Variants in LOC128125817 observed in about 807,000 individuals in gnomAD.
chr1:41,606,395 A>G, the LOC128125817 span, among the ~76,000 whole-genome samples: 2 of 151,942 alleles, frequency 1.3e-5, no homozygotes, highest in African/African-American at 2.4e-5. Context: ...TTGCTTTTGC[A>G]TAACAATTAC....
chr1:41,612,435 A>G, the LOC128125817 span, among the ~76,000 whole-genome samples: 1 of 152,188 alleles, frequency 6.6e-6, no homozygotes, highest in East Asian at 1.9e-4. Flanking sequence ...CATGGCTCCA[A>G]CTGCCCCCTA....
chr1:41,605,369 A>ACG, the LOC128125817 span, among the ~76,000 whole-genome samples: 1 of 114,500 alleles, frequency 8.7e-6, no homozygotes, highest in Non-Finnish European at 1.8e-5. Context: ...ACACACACGC[A>ACG]CACGCGCACA....
the LOC128125817 span, among the ~76,000 whole-genome samples, chr1:41,589,503 C>A: frequency 1.3e-5 from 2 of 152,190 alleles, no homozygotes; most frequent in African/African-American, 2.4e-5. Flanking sequence ...AGCTCTGGAA[C>A]CAAACTGGAA....
At chr1:41,602,486 A>G in the LOC128125817 span, among the ~76,000 whole-genome samples, 2 of 152,088 alleles carry the variant, frequency 1.3e-5, no homozygotes, top group East Asian at 1.9e-4. Context: ...TTTTTCTGGG[A>G]ACATATCCAT....
chr1:41,600,628 C>T, the LOC128125817 span, among the ~76,000 whole-genome samples: 7 of 152,110 alleles, frequency 4.6e-5, no homozygotes, highest in South Asian at 2.1e-4. Flanking sequence ...AGATTGGTTG[C>T]GCAGCAATGT....
At chr1:41,600,779 G>C in the LOC128125817 span, among the ~76,000 whole-genome samples, 1 of 152,162 alleles carries the variant, frequency 6.6e-6, no homozygotes, top group African/African-American at 2.4e-5. Flanking sequence ...AATATGTCAT[G>C]AAGTTTTCCC....
chr1:41,627,397 C>T, the LOC128125817 span, among the ~76,000 whole-genome samples: 1 of 152,318 alleles, frequency 6.6e-6, no homozygotes, highest in Admixed American at 6.5e-5. Flanking sequence ...GGTGGGTCTA[C>T]ACTGTTAAGT....
At chr1:41,599,702 T>C in the LOC128125817 span, among the ~76,000 whole-genome samples, 1 of 152,174 alleles carries the variant, frequency 6.6e-6, no homozygotes, top group East Asian at 1.9e-4. Context: ...ACCAAAAGCA[T>C]ACACAACAAA....
At chr1:41,627,143 T>C in the LOC128125817 span, among the ~76,000 whole-genome samples, 1 of 152,218 alleles carries the variant, frequency 6.6e-6, no homozygotes, top group Non-Finnish European at 1.5e-5. Flanking sequence ...GGGCTGCAAC[T>C]GGGAGAGCAG....
At chr1:41,600,983 A>G in the LOC128125817 span, among the ~76,000 whole-genome samples, 1 of 152,182 alleles carries the variant, frequency 6.6e-6, no homozygotes, top group Non-Finnish European at 1.5e-5. Context: ...ATGAATATCC[A>G]GTTTTCCCAG....
chr1:41,590,693 T>G, the LOC128125817 span, among the ~76,000 whole-genome samples: 1 of 152,180 alleles, frequency 6.6e-6, no homozygotes, highest in East Asian at 1.9e-4. Context: ...TGTTGGTGTC[T>G]GGGAGGCTGA....
chr1:41,601,104 T>C, the LOC128125817 span, among the ~76,000 whole-genome samples: 1 of 152,212 alleles, frequency 6.6e-6, no homozygotes, highest in South Asian at 2.1e-4. Context: ...TTCTGTTTCA[T>C]TGGTCTACAT....
chr1:41,623,491 T>C, the LOC128125817 span, among the ~76,000 whole-genome samples: 1 of 152,238 alleles, frequency 6.6e-6, no homozygotes, highest in African/African-American at 2.4e-5. Flanking sequence ...GTCCCTTTTC[T>C]ATGGGGTGAG....
chr1:41,601,651 C>A, the LOC128125817 span, among the ~76,000 whole-genome samples: 10 of 152,028 alleles, frequency 6.6e-5, no homozygotes, highest in African/African-American at 2.4e-4. Context: ...TTAATGGCAT[C>A]TTTAGGATTT....
chr1:41,600,124 T>TA, the LOC128125817 span, among the ~76,000 whole-genome samples: 1 of 152,204 alleles, frequency 6.6e-6, no homozygotes, highest in African/African-American at 2.4e-5. Context: ...GGTAGGAATG[T>TA]AAAACGGTGC....
At chr1:41,616,002 C>T in the LOC128125817 span, among the ~76,000 whole-genome samples, 3 of 151,970 alleles carry the variant, frequency 2.0e-5, no homozygotes, top group East Asian at 1.9e-4. Context: ...CACTCTCTAC[C>T]GCATCTCAAG....
At chr1:41,592,935 G>A in the LOC128125817 span, among the ~76,000 whole-genome samples, 1 of 152,202 alleles carries the variant, frequency 6.6e-6, no homozygotes, top group Admixed American at 6.5e-5. Context: ...GCCCTGGCCA[G>A]GTCCTGACCT....
the LOC128125817 span, among the ~76,000 whole-genome samples, chr1:41,609,983 C>T: frequency 3.3e-5 from 5 of 152,222 alleles, no homozygotes; most frequent in East Asian, 1.9e-4. Context: ...CTCATCCACT[C>T]GGTTGAACGC....
the LOC128125817 span, among the ~76,000 whole-genome samples, chr1:41,598,599 C>A: frequency 2.2e-4 from 33 of 152,278 alleles, no homozygotes; most frequent in South Asian, 6.8e-3. Flanking sequence ...TACTGCAACT[C>A]ATTTCTTCAT....
Sources: allele counts gnomAD v4.1 joint callset (sites outside exome capture counted in the v4.1 genomes callset), GRCh38; gene constraint gnomAD v4.1.1; transcripts MANE v1.5.